XKR4: variants seen among roughly 807,000 people sequenced by gnomAD.
XKR4 encodes XK related 4.
In XKR4, 12 loss-of-function variants were observed where a neutral mutation model predicts 53.9. That is an observed-to-expected ratio of 0.22 (90% confidence interval 0.14 to 0.36). XKR4 has a LOEUF of 0.36. Ranked by LOEUF, XKR4 falls within the 10% of genes least tolerant of loss-of-function variation. The probability of loss-of-function intolerance (pLI) is 1.00; values close to 1 mark genes in which losing one functional copy is unlikely to be tolerated. For synonymous variants in XKR4, 354 were observed against 362.4 expected (o/e 0.98, Z 0.26); for missense variants, 799 against 859.5 (o/e 0.93, Z 0.88).
intron 2 of XKR4, among the ~76,000 whole-genome samples, chr8:55,422,152 A>G (rs1804944547): frequency 6.6e-6 from 1 of 152,232 alleles, no homozygotes; most frequent in East Asian, 1.9e-4. Flanking sequence ...TCAATTCATA[A>G]ATAAAATTGG....
intron 1 of XKR4, among the ~76,000 whole-genome samples, chr8:55,314,216 A>G (rs1487339993): frequency 1.3e-5 from 2 of 152,192 alleles, no homozygotes; most frequent in Admixed American, 6.5e-5. Flanking sequence ...ATGTGAGTCA[A>G]ATTATGAGCC....
At chr8:55,422,074 G>A (rs1457560423) in intron 2 of XKR4, among the ~76,000 whole-genome samples, 2 of 152,086 alleles carry the variant, frequency 1.3e-5, no homozygotes, top group African/African-American at 2.4e-5. Flanking sequence ...ACATATACAA[G>A]ACTAAAATAT....
chr8:55,484,288 A>G (rs1806159706), intron 2 of XKR4, among the ~76,000 whole-genome samples: 1 of 152,232 alleles, frequency 6.6e-6, no homozygotes, highest in African/African-American at 2.4e-5. Flanking sequence ...AATCATCCAG[A>G]GCATAGAAAA....
At chr8:55,477,974 A>G (rs1463341995) in intron 2 of XKR4, among the ~76,000 whole-genome samples, 2 of 152,170 alleles carry the variant, frequency 1.3e-5, no homozygotes, top group Non-Finnish European at 2.9e-5. Flanking sequence ...AAGTTGGGAA[A>G]CACCATGCAG....
intron 2 of XKR4, among the ~76,000 whole-genome samples, chr8:55,411,557 T>C (rs1255804359): frequency 6.6e-6 from 1 of 152,236 alleles, no homozygotes; most frequent in African/African-American, 2.4e-5. Context: ...TTCTGCTGGC[T>C]CTTCAACTGA....
At chr8:55,303,843 A>G (rs1417425573) in intron 1 of XKR4, among the ~76,000 whole-genome samples, 1 of 152,020 alleles carries the variant, frequency 6.6e-6, no homozygotes, top group Non-Finnish European at 1.5e-5. Flanking sequence ...CGGTGGTGAT[A>G]TCCCCTTTAT....
intron 2 of XKR4, among the ~76,000 whole-genome samples, chr8:55,438,020 A>G (rs968877668): frequency 1.2e-4 from 19 of 152,106 alleles, no homozygotes. Context: ...CAAGATGAAT[A>G]GATTAAAACT....
intron 2 of XKR4, among the ~76,000 whole-genome samples, chr8:55,463,437 G>C (rs1366868970): frequency 6.6e-6 from 1 of 151,164 alleles, no homozygotes; most frequent in African/African-American, 2.4e-5. Flanking sequence ...CGAGAACAAA[G>C]ACACAACATA....
intron 1 of XKR4, among the ~76,000 whole-genome samples, chr8:55,139,512 C>CAAAAAAAAAAAAAAAAAAAA (rs5891559): frequency 6.1e-5 from 7 of 114,490 alleles, no homozygotes; most frequent in African/African-American, 1.2e-4. Flanking sequence ...GACTCCGTCT[C>CAAAAAAAAAAAAAAAAAAAA]AAAAAAAAAA....
intron 1 of XKR4, among the ~76,000 whole-genome samples, chr8:55,245,437 T>A (rs896798455): frequency 6.6e-6 from 1 of 152,116 alleles, no homozygotes; most frequent in Non-Finnish European, 1.5e-5. Context: ...TATGTATATT[T>A]AAATAATCCT....
chr8:55,218,930 C>T (rs564278432), intron 1 of XKR4, among the ~76,000 whole-genome samples: 363 of 152,184 alleles, frequency 2.4e-3, no homozygotes, highest in African/African-American at 8.3e-3. Flanking sequence ...ATTTGAAACA[C>T]CTCCAAGGTT....
chr8:55,232,218 A>T (rs1289016981), intron 1 of XKR4, among the ~76,000 whole-genome samples: 1 of 152,178 alleles, frequency 6.6e-6, no homozygotes, highest in Non-Finnish European at 1.5e-5. Flanking sequence ...GGAAAGTGGA[A>T]TTCTCACTTT....
intron 1 of XKR4, among the ~76,000 whole-genome samples, chr8:55,290,127 T>G (rs1018722577): frequency 6.6e-6 from 1 of 151,428 alleles, no homozygotes; most frequent in African/African-American, 2.4e-5. Context: ...ATTCTTTAAT[T>G]TAATTTTTTT....
chr8:55,241,932 A>G (rs1437988091), intron 1 of XKR4, among the ~76,000 whole-genome samples: 1 of 152,066 alleles, frequency 6.6e-6, no homozygotes, highest in African/African-American at 2.4e-5. Context: ...CAAGATGACA[A>G]TAATAATAAT....
chr8:55,289,161 T>C (rs1043112607), intron 1 of XKR4, among the ~76,000 whole-genome samples: 3 of 152,182 alleles, frequency 2.0e-5, no homozygotes, highest in Non-Finnish European at 2.9e-5. Context: ...TTTATTTCTC[T>C]GGGACACCTT....
Position 55,535,152 on chromosome 8 carries a change from C to G in XKR4, c.*10925C>G, listed in dbSNP as rs1376922510. 1.3e-5 allele frequency: 2 copies of G among 151,976 alleles called. No individual in the cohort carries two copies. The highest frequency in any genetic ancestry group is 4.8e-5 in the African/African-American group (2 of 41,376). The allele number at this position is 151,976 out of a possible 1,614,324, so 9.4% of individuals were successfully genotyped here. On this transcript the variant is annotated 3_prime_UTR_variant, in exon 3 of 3. Coordinates refer to ENST00000327381, the MANE Select transcript of XKR4 (RefSeq NM_052898.2). ...GGCGAGTCAGTTTTCAGAACTAGCT[C>G]TTGGCGCAAGCCCTGAAATAAAATG...
intron 2 of XKR4, among the ~76,000 whole-genome samples, chr8:55,444,710 G>A (rs536020925): frequency 4.6e-5 from 7 of 152,164 alleles, no homozygotes; most frequent in South Asian, 2.1e-4. Flanking sequence ...GGACTCTTGC[G>A]TACTGCTAAT....
rs149559327 is a variant in XKR4, at chr8:55,435,663, G to A, written c.1006+77786G>A. Among the ~76,000 whole-genome samples the A allele has an allele frequency of 4.7e-3, 710 of 149,564 alleles. 5 individuals are homozygous for A. The highest frequency in any genetic ancestry group is 0.012 in the African/African-American group (476 of 40,506). ...CAGCTAACTGCAGCCTCAACCTCCC[G>A]GGCTCAAGCAATGCCCCTTCCTCAC... is the stretch of plus-strand genomic sequence containing the variant. On this transcript the variant is annotated intron_variant, in intron 2 of 2. Coordinates refer to ENST00000327381, the MANE Select transcript of XKR4 (RefSeq NM_052898.2).
At chr8:55,451,691 T>A in intron 2 of XKR4, 1 of 1,447,410 alleles carries the variant, frequency 6.9e-7, no homozygotes, top group Non-Finnish European at 9.6e-7. Flanking sequence ...CCCGGGTACC[T>A]GCGGTAGATG....
Sources: allele counts gnomAD v4.1 joint callset (sites outside exome capture counted in the v4.1 genomes callset), GRCh38; gene constraint gnomAD v4.1.1; transcripts MANE v1.5; gene names NCBI Gene and HGNC (gene_info 2026-07-23, HGNC 2026-07-21).